Variants in UNC13C observed in about 807,000 individuals in gnomAD.
UNC13C encodes the protein protein unc-13 homolog C.
Under a neutral mutation model 245.4 loss-of-function variants are expected in UNC13C, and 174 were observed. The observed-to-expected ratio is 0.71, with a 90% CI of 0.63 to 0.80. UNC13C has a LOEUF of 0.80. UNC13C is among the 30% of genes least tolerant of loss of function. The pLI is 0.00. For missense variants in UNC13C, 2,829 were observed against 2,602.9 expected (o/e 1.09, Z -1.89); for synonymous variants, 992 against 895.1 (o/e 1.11, Z -1.93).
chr15:53,941,093 G>A, the UNC13C span, among the ~76,000 whole-genome samples: 50,145 of 151,970 alleles, frequency 0.33, 8,322 homozygotes, highest in Middle Eastern at 0.34. Flanking sequence ...CCATTGTACT[G>A]GTACAAAACA....
the UNC13C span, among the ~76,000 whole-genome samples, chr15:53,891,167 G>C: frequency 1.3e-5 from 2 of 152,128 alleles, no homozygotes; most frequent in Non-Finnish European, 2.9e-5. Context: ...ATGTAGTTGT[G>C]TGGTTTTGAG....
At chr15:53,843,100 A>G in the UNC13C span, among the ~76,000 whole-genome samples, 4 of 152,032 alleles carry the variant, frequency 2.6e-5, no homozygotes, top group South Asian at 4.2e-4. Flanking sequence ...TTCTTTTCCC[A>G]TATTAATATT....
At chr15:54,045,705 A>G (rs1897008762) in intron 2 of UNC13C, among the ~76,000 whole-genome samples, 1 of 152,202 alleles carries the variant, frequency 6.6e-6, no homozygotes, top group South Asian at 2.1e-4. Context: ...CTGAACAAAG[A>G]GTAAGTTATT....
chr15:54,065,873 A>G (rs572775771), intron 2 of UNC13C, among the ~76,000 whole-genome samples: 2 of 152,296 alleles, frequency 1.3e-5, no homozygotes, highest in East Asian at 1.9e-4. Context: ...CTGACTTCCA[A>G]TGAAGGGAGC....
the UNC13C span, among the ~76,000 whole-genome samples, chr15:53,856,920 T>C: frequency 1.4e-4 from 21 of 152,152 alleles, no homozygotes; most frequent in Admixed American, 1.3e-3. Flanking sequence ...TCTAAATCTC[T>C]TTGTAAGTCT....
At chr15:54,262,077 G>A (rs1334021570) in intron 8 of UNC13C, among the ~76,000 whole-genome samples, 3 of 152,268 alleles carry the variant, frequency 2.0e-5, no homozygotes, top group South Asian at 2.1e-4. Flanking sequence ...ACAAGAGGCA[G>A]TCGTTAAGGA....
intron 2 of UNC13C, among the ~76,000 whole-genome samples, chr15:54,129,879 G>A (rs1009408192): frequency 8.8e-6 from 1 of 114,072 alleles, no homozygotes; most frequent in African/African-American, 3.4e-5. Flanking sequence ...ATAAGTTTAC[G>A]TTATTGTCTT....
chr15:54,460,301 G>C (rs1200927251), intron 19 of UNC13C, among the ~76,000 whole-genome samples: 1 of 152,246 alleles, frequency 6.6e-6, no homozygotes, highest in Admixed American at 6.5e-5. Context: ...GGTGGCACAG[G>C]AGTTAAGTGG....
At chr15:54,468,316 GTTGT>G (rs1217751198) in intron 19 of UNC13C, among the ~76,000 whole-genome samples, 31 of 151,564 alleles carry the variant, frequency 2.0e-4, no homozygotes, top group African/African-American at 6.5e-4. Context: ...TTGTTATTGA[GTTGT>G]TTGAGTTCAT....
At chr15:54,017,720 A>T (rs1431360169) in intron 2 of UNC13C, among the ~76,000 whole-genome samples, 1 of 152,192 alleles carries the variant, frequency 6.6e-6, no homozygotes, top group African/African-American at 2.4e-5. Context: ...GCCAGCTAAC[A>T]AACTTAGTCA....
intron 2 of UNC13C, among the ~76,000 whole-genome samples, chr15:54,078,373 C>G (rs559259893): frequency 6.6e-6 from 1 of 152,084 alleles, no homozygotes; most frequent in Non-Finnish European, 1.5e-5. Context: ...ATTGTTTAAT[C>G]GAATTTTAGT....
chr15:54,459,311 C>A (rs1306830711), intron 19 of UNC13C, among the ~76,000 whole-genome samples: 1 of 152,106 alleles, frequency 6.6e-6, no homozygotes, highest in Non-Finnish European at 1.5e-5. Flanking sequence ...ATGCTTTTGT[C>A]TTATAGCCCT....
At chr15:54,059,012 A>G (rs1031277083) in intron 2 of UNC13C, among the ~76,000 whole-genome samples, 4 of 152,210 alleles carry the variant, frequency 2.6e-5, no homozygotes, top group Non-Finnish European at 4.4e-5. Flanking sequence ...ATCATACTGA[A>G]TGGACAAAAA....
In UNC13C at chr15:54,013,094, AG is replaced by A. The variant is rs1566947959; in HGVS notation, c.192del (p.Lys65ArgfsTer32). ...TCTTACACTTTTAAAAGCACTGTAA[AG>A]AAGATTGCAAAGTGTTCATCCACTC... ...KFSYTFKSTVKKIAKCSSTHN... is the reference protein window; with the variant it reads ...KFSYTFKSTVXKIAKCSSTHN... On this transcript the variant is annotated frameshift_variant, in exon 2 of 33. Coordinates refer to ENST00000260323, the MANE Select transcript of UNC13C (RefSeq NM_001080534.3). LOFTEE classifies it high-confidence loss of function. The A allele has an allele frequency of 6.2e-7, 1 of 1,613,904 alleles. No individual in the cohort carries two copies. Among genetic ancestry groups the A allele is most frequent in the East Asian group, 2.2e-5 (1 of 44,878 alleles).
chr15:53,970,409 T>C, the UNC13C span, among the ~76,000 whole-genome samples: 1 of 152,192 alleles, frequency 6.6e-6, no homozygotes, highest in Non-Finnish European at 1.5e-5. Flanking sequence ...TTCCGTTGTA[T>C]ATAAATACTG....
chr15:53,839,554 A>G, the UNC13C span, among the ~76,000 whole-genome samples: 1 of 152,072 alleles, frequency 6.6e-6, no homozygotes, highest in Non-Finnish European at 1.5e-5. Flanking sequence ...CAACCTTTCA[A>G]TACCTTTATA....
chr15:54,309,279 A>G (rs1333526505), intron 13 of UNC13C, among the ~76,000 whole-genome samples: 4 of 151,780 alleles, frequency 2.6e-5, no homozygotes, highest in Admixed American at 6.6e-5. Flanking sequence ...TTTTTCATAT[A>G]CTATTGGGCA....
At chr15:54,491,185 C>T (rs1893685746) in intron 19 of UNC13C, among the ~76,000 whole-genome samples, 1 of 152,178 alleles carries the variant, frequency 6.6e-6, no homozygotes, top group African/African-American at 2.4e-5. Flanking sequence ...TTAGCATTCT[C>T]TTCATGTACA....
chr15:54,585,350 CCAT>C (rs1161834265), intron 30 of UNC13C, among the ~76,000 whole-genome samples: 1 of 152,092 alleles, frequency 6.6e-6, no homozygotes, highest in East Asian at 1.9e-4. Context: ...TCCTCTCTCA[CCAT>C]GTTAGGTGCC....
Sources: allele counts gnomAD v4.1 joint callset (sites outside exome capture counted in the v4.1 genomes callset), GRCh38; gene constraint gnomAD v4.1.1; transcripts MANE v1.5; gene names NCBI Gene and HGNC (gene_info 2026-07-23, HGNC 2026-07-21).